The following TSC22D3 variants were observed in gnomAD, a reference collection of about 807,000 sequenced individuals.
TSC22D3 encodes the protein TSC22 domain family member 3, also known as TSC22 domain family protein 3.
TSC22D3 carries 4 observed loss-of-function variants against 11.1 expected under a neutral mutation model. The observed-to-expected ratio is 0.36, with a 90% CI of 0.18 to 0.83. The LOEUF is 0.83. TSC22D3 is among the 40% of genes least tolerant of loss of function. The pLI, the probability that TSC22D3 is intolerant of heterozygous loss-of-function variation, is 0.48. For synonymous variants in TSC22D3, 77 were observed against 70.3 expected (o/e 1.10, Z -0.48); for missense variants, 118 against 159.4 (o/e 0.74, Z 1.40).
chrX:107,766,359 A>G (rs1220296913), intron 1 of TSC22D3, among the ~76,000 whole-genome samples: 1 of 110,801 alleles, frequency 9.0e-6, no homozygotes, highest in Non-Finnish European at 1.9e-5. Flanking sequence ...TGGAGCGTGG[A>G]CTGGGAATTG....
At chrX:107,773,000 T>C (rs1929971904) in intron 1 of TSC22D3, among the ~76,000 whole-genome samples, 1 of 112,827 alleles carries the variant, frequency 8.9e-6, no homozygotes, top group Non-Finnish European at 1.9e-5. Context: ...TTTTGAACGC[T>C]GAGTGAGTTG....
chrX:107,722,491 C>T (rs987255111), intron 1 of TSC22D3, among the ~76,000 whole-genome samples: 4 of 112,375 alleles, frequency 3.6e-5, no homozygotes, highest in Admixed American at 9.4e-5. Context: ...CTTCATCACC[C>T]TAACTTTGGT....
At chrX:107,751,496 AG>A (rs1427946719) in intron 1 of TSC22D3, among the ~76,000 whole-genome samples, 2 of 112,474 alleles carry the variant, frequency 1.8e-5, no homozygotes. Flanking sequence ...AAGTGGTTGG[AG>A]TTCCTCCCTT....
chrX:107,716,763 G>A (rs1368587295), intron 1 of TSC22D3: 1 of 1,209,685 alleles, frequency 8.3e-7, no homozygotes. Context: ...AAATTGTGCA[G>A]CTGGTAGACC....
rs958747382 is a variant in TSC22D3, at chrX:107,716,180, C to A, written c.321-230G>T. ...AGCGCTGCTGCCGCCGCCCCGAGTT[C>A]CAACCGATCGGAGCTGCTTGCGAGT... is the stretch of plus-strand genomic sequence containing the variant. On this transcript the variant is annotated intron_variant, in intron 1 of 2. Transcript: ENST00000372383. 4 of 722,030 alleles carry A rather than the reference C, an allele frequency of 5.5e-6. No homozygotes were observed. The African/African-American group carries it at 8.7e-5, about 16-fold the overall frequency. The allele number at this position is 722,030 out of a possible 1,213,427, so 59.5% of individuals were successfully genotyped here.
chrX:107,716,989 G>A (rs1055912702), intron 1 of TSC22D3: 182 of 1,041,514 alleles, frequency 1.7e-4, no homozygotes, highest in Non-Finnish European at 2.2e-4. Context: ...TCCAGCTGGA[G>A]TTGAAGGGAA....
chrX:107,768,628 C>T (rs1178363399), intron 1 of TSC22D3, among the ~76,000 whole-genome samples: 2 of 112,249 alleles, frequency 1.8e-5, no homozygotes, highest in Non-Finnish European at 3.8e-5. Context: ...CGTGCTGTAA[C>T]AGCCCAAGCT....
intron 1 of TSC22D3, among the ~76,000 whole-genome samples, chrX:107,771,601 T>C (rs781059796): frequency 2.5e-4 from 28 of 111,562 alleles, no homozygotes; most frequent in Admixed American, 1.6e-3. Context: ...AATAAATAAA[T>C]AAACAAATAA....
intron 1 of TSC22D3, among the ~76,000 whole-genome samples, chrX:107,746,270 G>A (rs1158979216): frequency 9.0e-6 from 1 of 111,612 alleles, no homozygotes; most frequent in African/African-American, 3.3e-5. Context: ...CCCTAAGAAG[G>A]AAGAAGCAGA....
At chrX:107,746,429 C>T (rs1329005634) in intron 1 of TSC22D3, among the ~76,000 whole-genome samples, 1 of 111,078 alleles carries the variant, frequency 9.0e-6, no homozygotes, top group African/African-American at 3.3e-5. Flanking sequence ...CAGACATACA[C>T]ACACACTCAT....
intron 1 of TSC22D3, among the ~76,000 whole-genome samples, chrX:107,756,103 C>T (rs1209254630): frequency 1.8e-5 from 2 of 111,773 alleles, no homozygotes; most frequent in Non-Finnish European, 1.9e-5. Context: ...CCATACTGTA[C>T]GGCTCCTGTT....
intron 1 of TSC22D3, among the ~76,000 whole-genome samples, chrX:107,730,402 C>A (rs371400853): frequency 1.2e-4 from 13 of 111,932 alleles, no homozygotes; most frequent in African/African-American, 3.9e-4. Context: ...CATACAGCTG[C>A]AGAGGAATTT....
At chrX:107,728,696 A>G (rs968020566) in intron 1 of TSC22D3, among the ~76,000 whole-genome samples, 1 of 112,475 alleles carries the variant, frequency 8.9e-6, no homozygotes, top group Non-Finnish European at 1.9e-5. Context: ...AAAAATACTC[A>G]CTAAGATAAA....
intron 1 of TSC22D3, among the ~76,000 whole-genome samples, chrX:107,736,442 C>T (rs1928138278): frequency 8.9e-6 from 1 of 111,778 alleles, no homozygotes; most frequent in African/African-American, 3.3e-5. Flanking sequence ...ACAATCTTGT[C>T]CCTTTCTCTC....
At chrX:107,762,788 T>C in intron 1 of TSC22D3, among the ~76,000 whole-genome samples, 1 of 104,467 alleles carries the variant, frequency 9.6e-6, no homozygotes, top group Non-Finnish European at 2.0e-5. Flanking sequence ...CTAGTCACCA[T>C]CTCTGAGTTG....
intron 1 of TSC22D3, among the ~76,000 whole-genome samples, chrX:107,739,585 G>A (rs186171286): frequency 8.9e-6 from 1 of 112,560 alleles, no homozygotes; most frequent in Admixed American, 9.3e-5. Flanking sequence ...GACCCCACAT[G>A]AGGGAAGCCA....
chrX:107,768,031 G>A (rs914013621), intron 1 of TSC22D3, among the ~76,000 whole-genome samples: 11 of 112,398 alleles, frequency 9.8e-5, no homozygotes, highest in African/African-American at 3.2e-4. Context: ...GCTATTGCAC[G>A]ATACCAACCA....
intron 1 of TSC22D3, among the ~76,000 whole-genome samples, chrX:107,758,436 T>C (rs964512703): frequency 2.7e-5 from 3 of 111,493 alleles, no homozygotes; most frequent in African/African-American, 9.8e-5. Flanking sequence ...TGCAGTGAAA[T>C]GTACCAGATA....
intron 1 of TSC22D3, among the ~76,000 whole-genome samples, chrX:107,722,701 C>T (rs1161508035): frequency 9.0e-6 from 1 of 111,328 alleles, no homozygotes; most frequent in Admixed American, 9.5e-5. Flanking sequence ...AAGCCCTCCT[C>T]TTATTTTCCA....
Sources: gnomAD v4.1 joint callset for allele counts (sites outside exome capture counted in the v4.1 genomes callset) on GRCh38, gnomAD v4.1.1 for gene constraint, MANE v1.5 for transcripts, NCBI Gene and HGNC (gene_info 2026-07-23, HGNC 2026-07-21) for gene names.